The following ZNF254 variants were observed in gnomAD, a reference collection of about 807,000 sequenced individuals.
ZNF254 encodes zinc finger protein 254.
In ZNF254, 10 loss-of-function variants were observed where a neutral mutation model predicts 12.4. That is an observed-to-expected ratio of 0.80 (90% CI 0.50 to 1.36). The LOEUF is 1.36. ZNF254 is among the 40% of genes most tolerant of loss of function. The probability of loss-of-function intolerance (pLI) is 0.00; values close to 1 mark genes in which losing one functional copy is unlikely to be tolerated. For synonymous variants in ZNF254, 305 were observed against 253.4 expected (o/e 1.20, Z -1.93); for missense variants, 996 against 763.9 (o/e 1.30, Z -3.58).
At chr19:24,103,990 G>A (rs1159846882) in intron 1 of ZNF254, 2 of 152,384 alleles carry the variant, frequency 1.3e-5, no homozygotes, top group Non-Finnish European at 2.9e-5. Context: ...CTCCCAAAGT[G>A]TTGGGATCAC....
chr19:24,102,478 A>G (rs944227095), intron 1 of ZNF254, among the ~76,000 whole-genome samples: 1 of 151,758 alleles, frequency 6.6e-6, no homozygotes, highest in East Asian at 1.9e-4. Flanking sequence ...TTTTACATCA[A>G]CTCTACACCC....
In ZNF254 at chr19:24,128,662, A is replaced by G. The variant is rs908399268; in HGVS notation, c.*682A>G. ...CACCAAAGTGTTCATACTAAAATATATTTTTGCAGATACATTAAATATGAA... is the reference window on the plus strand; with the variant it reads ...CACCAAAGTGTTCATACTAAAATATGTTTTTGCAGATACATTAAATATGAA... On this transcript the variant is annotated 3_prime_UTR_variant, in exon 4 of 4. Coordinates refer to ENST00000357002, the MANE Select transcript of ZNF254 (RefSeq NM_203282.4). The G allele has an allele frequency of 2.0e-5, 3 of 152,118 alleles. No homozygotes were observed. Among genetic ancestry groups the G allele is most frequent in the African/African-American group, 7.2e-5 (3 of 41,464 alleles). 9.4% of individuals were successfully genotyped at this position (152,118 alleles called of 1,614,324 possible). A position where few individuals can be genotyped will look rare whatever the true frequency, so the allele number is the denominator to read the frequency against.
At chr19:24,084,433 A>G (rs1313791612), upstream of ZNF254, among the ~76,000 whole-genome samples, 1 of 151,922 alleles carries the variant, frequency 6.6e-6, no homozygotes, top group African/African-American at 2.4e-5. Flanking sequence ...GACGGATAAA[A>G]GACTACATAT....
upstream of ZNF254, among the ~76,000 whole-genome samples, chr19:24,085,427 A>T (rs186678473): frequency 8.5e-3 from 359 of 42,348 alleles, 20 homozygotes; most frequent in East Asian, 9.7e-3. Flanking sequence ...TATATATATA[A>T]AAACTAAGAT....
At chr19:24,041,180 C>A (rs1970138812) in intron 1 of ZNF254, among the ~76,000 whole-genome samples, 3 of 152,356 alleles carry the variant, frequency 2.0e-5, no homozygotes, top group Non-Finnish European at 4.4e-5. Context: ...CGCTTGCTCT[C>A]GGCACCTCCC....
At chr19:24,119,244 T>A (rs1304279006) in intron 3 of ZNF254, among the ~76,000 whole-genome samples, 1 of 152,028 alleles carries the variant, frequency 6.6e-6, no homozygotes, top group Non-Finnish European at 1.5e-5. Flanking sequence ...CAGGCCAGAG[T>A]GCAGTGACAC....
chr19:24,092,708 C>T (rs959395963), intron 1 of ZNF254, among the ~76,000 whole-genome samples: 1 of 152,196 alleles, frequency 6.6e-6, no homozygotes, highest in African/African-American at 2.4e-5. Context: ...TTCAGTCTAC[C>T]ATTGATAGGC....
intron 2 of ZNF254, among the ~76,000 whole-genome samples, chr19:24,049,184 T>TTTTA (rs1439661390): frequency 1.6e-5 from 1 of 63,164 alleles, no homozygotes; most frequent in African/African-American, 7.9e-5. Flanking sequence ...GGCTCTGGTT[T>TTTTA]TATATATATA....
chr19:24,095,012 T>G (rs1311911732), intron 1 of ZNF254, among the ~76,000 whole-genome samples: 1 of 152,198 alleles, frequency 6.6e-6, no homozygotes, highest in Non-Finnish European at 1.5e-5. Flanking sequence ...CCATTCAGTA[T>G]GTTGGCTGAT....
Position 24,128,746 on chromosome 19 carries a change from T to A in ZNF254, c.*766T>A, listed in dbSNP as rs984971243. Reference sequence around the variant, plus strand: ...ATCAGGGAATAATTCACAGTAGAAATATCTAGGGCATTCAAGCTTTAGACA... The same window carrying A: ...ATCAGGGAATAATTCACAGTAGAAAAATCTAGGGCATTCAAGCTTTAGACA... On this transcript the variant is annotated 3_prime_UTR_variant, in exon 4 of 4. Transcript: ENST00000357002. 4 of 152,040 alleles carry A rather than the reference T, an allele frequency of 2.6e-5. No homozygotes were observed. Among genetic ancestry groups the A allele is most frequent in the Non-Finnish European group, 5.9e-5 (4 of 67,916 alleles). The allele number at this position is 152,040 out of a possible 1,614,324, so 9.4% of individuals were successfully genotyped here. A position where few individuals can be genotyped will look rare whatever the true frequency, so the allele number is the denominator to read the frequency against.
chr19:24,121,891 G>A (rs1268642250), intron 3 of ZNF254, among the ~76,000 whole-genome samples: 2 of 151,774 alleles, frequency 1.3e-5, no homozygotes, highest in Non-Finnish European at 2.9e-5. Flanking sequence ...TTGTATATTT[G>A]TTGTATAGGT....
At chr19:24,055,759 A>T (rs567780804) in intron 2 of ZNF254, among the ~76,000 whole-genome samples, 1 of 152,342 alleles carries the variant, frequency 6.6e-6, no homozygotes, top group East Asian at 1.9e-4. Context: ...AAGATTCAGC[A>T]TGCGTATGAG....
chr19:24,075,592 G>A (rs953425756), intron 2 of ZNF254, among the ~76,000 whole-genome samples: 1 of 151,616 alleles, frequency 6.6e-6, no homozygotes, highest in Non-Finnish European at 1.5e-5. Flanking sequence ...AATATCACAA[G>A]GCAAATGGGG....
chr19:24,076,118 T>A (rs1971648842), intron 2 of ZNF254, among the ~76,000 whole-genome samples: 1 of 152,198 alleles, frequency 6.6e-6, no homozygotes, highest in Non-Finnish European at 1.5e-5. Context: ...CACAGGGTCT[T>A]GAGGTGACAT....
At chr19:24,095,339 A>AT (rs942002350) in intron 1 of ZNF254, among the ~76,000 whole-genome samples, 31 of 151,700 alleles carry the variant, frequency 2.0e-4, no homozygotes, top group Admixed American at 1.2e-3. Flanking sequence ...ATTGGCCTGA[A>AT]TTTTTTTTTG....
upstream of ZNF254, chr19:24,087,175 G>C: frequency 8.2e-7 from 1 of 1,212,128 alleles, no homozygotes; most frequent in Non-Finnish European, 1.2e-6. Flanking sequence ...GCGGCTTCCG[G>C]GATATGGCGG....
intron 1 of ZNF254, among the ~76,000 whole-genome samples, chr19:24,089,255 C>T (rs1274332366): frequency 6.6e-6 from 1 of 152,174 alleles, no homozygotes; most frequent in Non-Finnish European, 1.5e-5. Flanking sequence ...GGATTACAGG[C>T]GTGAGCCACT....
In ZNF254 at chr19:24,127,700, T is replaced by A. The variant is rs974112463; in HGVS notation, c.1700T>A (p.Ile567Asn). 1.9e-6 allele frequency: 3 copies of A among 1,613,362 alleles called. No individual in the cohort carries two copies. Among genetic ancestry groups the A allele is most frequent in the Non-Finnish European group, 2.5e-6 (3 of 1,179,728 alleles). Residue 567 changes from isoleucine (I) to asparagine (N), a missense_variant, in exon 4 of 4, where the codon ATT (isoleucine) becomes AAT (asparagine). Physicochemically the swap from Ile to Asn is moderately radical, Grantham distance 149. Transcript: ENST00000357002. ...TCAATCCTTACTAACCATAAGAGAA[T>A]TCATACTGGAGAGAAACCCTATAAA... ...QSSILTNHKR[I>N]HTGEKPYKCE...
chr19:24,094,249 A>G (rs1257044024), intron 1 of ZNF254, among the ~76,000 whole-genome samples: 1 of 152,090 alleles, frequency 6.6e-6, no homozygotes, highest in Non-Finnish European at 1.5e-5. Context: ...TCCTGTTTAA[A>G]TGCCTTTTAT....
Sources: allele counts gnomAD v4.1 joint callset (sites outside exome capture counted in the v4.1 genomes callset), GRCh38; gene constraint gnomAD v4.1.1; transcripts MANE v1.5; gene names NCBI Gene and HGNC (gene_info 2026-07-23, HGNC 2026-07-21).